USH2A: variants seen among roughly 807,000 people sequenced by gnomAD.
The protein encoded by USH2A is usherin.
Under a neutral mutation model 538.9 loss-of-function variants are expected in USH2A, and 443 were observed. The observed-to-expected ratio is 0.82, with a 90% CI of 0.76 to 0.89. The LOEUF is 0.89. Ranked by LOEUF, USH2A falls within the 40% of genes least tolerant of loss-of-function variation. The pLI is 0.00. For missense variants in USH2A, 6,633 were observed against 6,324.8 expected (o/e 1.05, Z -1.65); for synonymous variants, 2,413 against 2,273.5 (o/e 1.06, Z -1.75).
rs954532372 is a variant in USH2A at position 215,877,808 on chromosome 1, G to C, written c.8631C>G (p.His2877Gln). Residue 2877 changes from histidine (H) to glutamine (Q), a missense_variant, in exon 43 of 72, where the codon CAC (histidine) becomes CAG (glutamine). His to Gln is a conservative substitution (Grantham distance 24, BLOSUM62 0). Transcript: ENST00000307340. ...SNPPEDLNRW[H>Q]NIYSGTQWLY... Reference sequence around the variant, plus strand: ...GCCACTGAGTTCCTGAATAAATATTGTGCCACCGATTTAAATCTTCTGGGG... The same window carrying C: ...GCCACTGAGTTCCTGAATAAATATTCTGCCACCGATTTAAATCTTCTGGGG... 1.4e-5 allele frequency: 22 copies of C among 1,613,554 alleles called. No individual in the cohort carries two copies. The Admixed American group carries it at 2.0e-4, about 15-fold the overall frequency.
At position 216,009,286 on chromosome 1, in the gene USH2A, C is replaced by T. The variant is rs990635202; in HGVS notation, c.6326-8724G>A. 5.9e-5 allele frequency among the ~76,000 whole-genome samples: 9 copies of T among 152,142 alleles called. 1 individual carries two copies. The highest frequency in any genetic ancestry group is 1.2e-4 in the Non-Finnish European group (8 of 68,030). ...AACCTTCCACCCTCCATTCCTTCTT[C>T]TCCCTTAGCCTGTGTTTTTAAGAAC... is the stretch of plus-strand genomic sequence containing the variant. On this transcript the variant is annotated intron_variant, in intron 32 of 71. Coordinates refer to ENST00000307340, the MANE Select transcript of USH2A (RefSeq NM_206933.4).
At chr1:216,169,227 T>C (rs1572016561) in intron 21 of USH2A, among the ~76,000 whole-genome samples, 1 of 152,028 alleles carries the variant, frequency 6.6e-6, no homozygotes, top group Non-Finnish European at 1.5e-5. Context: ...ATTTTAACAG[T>C]GATGGACAAA....
At chr1:216,390,886 G>T (rs2039095874) in intron 3 of USH2A, among the ~76,000 whole-genome samples, 1 of 152,106 alleles carries the variant, frequency 6.6e-6, no homozygotes, top group Non-Finnish European at 1.5e-5. Flanking sequence ...AATTAAAACT[G>T]GAGGGGTGCA....
rs1363854666 is a variant in USH2A, at chr1:216,130,341, C to T, written c.4628-33128G>A. On this transcript the variant is annotated intron_variant, in intron 21 of 71. Coordinates refer to ENST00000307340, the MANE Select transcript of USH2A (RefSeq NM_206933.4). ...CCTTTCCCCCTGAGTCACCAAAGTC[C>T]ATTGTGTTATTCTTATGCCTTTGCA... 5.3e-5 allele frequency among the ~76,000 whole-genome samples: 8 copies of T among 151,568 alleles called. No homozygotes were observed. In the Admixed American group the frequency reaches 5.3e-4, roughly 10 times the overall value.
chr1:215,802,635 T>C (rs901013431), intron 49 of USH2A, among the ~76,000 whole-genome samples: 1 of 152,078 alleles, frequency 6.6e-6, no homozygotes, highest in East Asian at 1.9e-4. Context: ...ATGGAGAAAT[T>C]GGCACACTTA....
At chr1:215,856,597 G>A (rs1285262204) in intron 44 of USH2A, among the ~76,000 whole-genome samples, 1 of 152,148 alleles carries the variant, frequency 6.6e-6, no homozygotes, top group African/African-American at 2.4e-5. Context: ...TACACTTGGT[G>A]GGAACGTAAA....
chr1:215,640,709 C>T lies in USH2A; in HGVS notation c.14817G>A (p.Ser4939=), dbSNP rs397517992. 21 of 1,613,250 alleles carry T rather than the reference C, an allele frequency of 1.3e-5. No homozygotes were observed. Among genetic ancestry groups the T allele is most frequent in the African/African-American group, 5.4e-5 (4 of 74,602 alleles). Residue 4939 remains serine (S), a synonymous_variant, in exon 68 of 72, where the codon TCG becomes TCA. Coordinates refer to ENST00000307340, the MANE Select transcript of USH2A (RefSeq NM_206933.4). The part of the protein sequence containing the change: ...KELPQYRAPF[S]VDSNLSVVCV... The stretch of plus-strand genomic sequence containing the variant: ...ACACCACAGACAAATTGCTGTCCAC[C>T]GAAAATGGGGCTCGGTACTGAGGCA...
intron 14 of USH2A, among the ~76,000 whole-genome samples, chr1:216,219,553 A>T (rs1371444495): frequency 6.6e-6 from 1 of 152,240 alleles, no homozygotes; most frequent in Middle Eastern, 3.4e-3. Flanking sequence ...TATATTTCAC[A>T]TTTATTAAAA....
intron 64 of USH2A, among the ~76,000 whole-genome samples, chr1:215,653,818 T>C (rs1294558870): frequency 1.3e-5 from 2 of 152,220 alleles, no homozygotes; most frequent in Non-Finnish European, 2.9e-5. Context: ...GTTATGCTTA[T>C]GATTCCCACT....
chr1:216,224,330 G>A (rs1447985131), intron 14 of USH2A, among the ~76,000 whole-genome samples: 1 of 152,022 alleles, frequency 6.6e-6, no homozygotes, highest in Non-Finnish European at 1.5e-5. Flanking sequence ...AATTAAATAT[G>A]GCCCATTTTT....
chr1:215,682,004 T>C (rs11120598), intron 61 of USH2A, among the ~76,000 whole-genome samples: 41,255 of 152,042 alleles, frequency 0.27, 6,119 homozygotes, highest in South Asian at 0.53. Flanking sequence ...TATTTCTCCA[T>C]AACATTGGAT....
chr1:216,372,743 G>C (rs530285574), intron 3 of USH2A, among the ~76,000 whole-genome samples: 3 of 152,260 alleles, frequency 2.0e-5, no homozygotes, highest in Admixed American at 1.3e-4. Flanking sequence ...AATAGGGAGA[G>C]TTCCAGCTGG....
intron 3 of USH2A, among the ~76,000 whole-genome samples, chr1:216,418,196 C>T (rs950564312): frequency 1.3e-5 from 2 of 151,966 alleles, no homozygotes; most frequent in Middle Eastern, 3.4e-3. Context: ...TCAAATGAGC[C>T]CTTACACATT....
chr1:216,208,842 G>T (rs1025992786), intron 15 of USH2A, among the ~76,000 whole-genome samples: 3 of 152,178 alleles, frequency 2.0e-5, no homozygotes, highest in Non-Finnish European at 2.9e-5. Flanking sequence ...AATTCCCCCA[G>T]CAATGCATTA....
intron 41 of USH2A, among the ~76,000 whole-genome samples, chr1:215,887,384 GGGTTTTGTTTTT>G (rs1244099440): frequency 6.6e-6 from 1 of 151,902 alleles, no homozygotes; most frequent in Non-Finnish European, 1.5e-5. Context: ...CTCTATGCTT[GGGTTTTGTTTTT>G]GGTTTTGTTT....
At chr1:216,157,959 A>T (rs1018501680) in intron 21 of USH2A, among the ~76,000 whole-genome samples, 6 of 152,052 alleles carry the variant, frequency 3.9e-5, no homozygotes, top group Middle Eastern at 3.4e-3. Context: ...AAATGTTAAA[A>T]TGAAAAAGAA....
chr1:216,247,694 A>T (rs1028932587), intron 12 of USH2A, among the ~76,000 whole-genome samples: 1 of 152,264 alleles, frequency 6.6e-6, no homozygotes, highest in South Asian at 2.1e-4. Flanking sequence ...CTGGAGCTCT[A>T]TTGTACAGCA....
intron 11 of USH2A, among the ~76,000 whole-genome samples, chr1:216,281,210 G>A (rs2036768525): frequency 6.6e-6 from 1 of 150,796 alleles, no homozygotes; most frequent in African/African-American, 2.4e-5. Context: ...CAATGTGGGG[G>A]TTTAAAGTCA....
At chr1:215,930,026 A>T (rs558301278) in intron 38 of USH2A, among the ~76,000 whole-genome samples, 1 of 152,134 alleles carries the variant, frequency 6.6e-6, no homozygotes, top group African/African-American at 2.4e-5. Flanking sequence ...CTCTAATAAC[A>T]CATTTGGGCA....
Sources: allele counts gnomAD v4.1 joint callset (sites outside exome capture counted in the v4.1 genomes callset), GRCh38; gene constraint gnomAD v4.1.1; transcripts MANE v1.5; gene names NCBI Gene and HGNC (gene_info 2026-07-23, HGNC 2026-07-21).